The following ZNF91 variants were observed in gnomAD, a reference collection of about 807,000 sequenced individuals.
ZNF91 encodes the protein zinc finger protein 91 (HPF7, HTF10).
A neutral mutation model predicts 12.6 loss-of-function variants in ZNF91; 7 were observed. The observed-to-expected ratio is 0.55, with a 90% CI of 0.31 to 1.04. The LOEUF is 1.04. ZNF91 is among the 50% of genes least tolerant of loss of function. The pLI, the probability that ZNF91 is intolerant of heterozygous loss-of-function variation, is 0.05. For missense variants in ZNF91, 1,217 were observed against 1,385.4 expected, an observed-to-expected ratio of 0.88 and a Z score of 1.93; for synonymous variants, 453 against 462.6, an observed-to-expected ratio of 0.98 and a Z score of 0.27.
intron 3 of ZNF91, among the ~76,000 whole-genome samples, chr19:23,348,224 C>G (rs1968277246): frequency 6.6e-6 from 1 of 151,986 alleles, no homozygotes. Flanking sequence ...AGATTCTGTG[C>G]AACACCAAAG....
chr19:23,391,580 T>C (rs931797679), intron 1 of ZNF91, among the ~76,000 whole-genome samples: 9 of 152,202 alleles, frequency 5.9e-5, no homozygotes, highest in African/African-American at 2.2e-4. Flanking sequence ...TCCTTTGAAA[T>C]TCAAGTTTTT....
intron 1 of ZNF91, among the ~76,000 whole-genome samples, chr19:23,318,023 T>A (rs549061985): frequency 6.6e-6 from 1 of 152,308 alleles, no homozygotes; most frequent in East Asian, 1.9e-4. Context: ...AATTTTGACA[T>A]CTTGCTAAAC....
At chr19:23,388,550 A>G (rs1969952843) in intron 1 of ZNF91, among the ~76,000 whole-genome samples, 1 of 152,208 alleles carries the variant, frequency 6.6e-6, no homozygotes, top group Admixed American at 6.5e-5. Context: ...TTATAGCAAC[A>G]TGAAGCTGGA....
chr19:23,359,647 C>T lies in ZNF91; in HGVS notation c.3332G>A (p.Cys1111Tyr), dbSNP rs1411229482. The change falls in exon 4 of 4, where the codon TGT (cysteine) becomes TAT (tyrosine). Residue 1111 changes from cysteine to tyrosine, a missense_variant. Physicochemically the swap from Cys to Tyr is radical, Grantham distance 194 (BLOSUM62 -2). Coordinates refer to ENST00000300619, the MANE Select transcript of ZNF91 (RefSeq NM_003430.4). ...TGEKPYKCGE[C>Y]GKAFKESSAL... ...TGAGGACTCTTTAAAGGCTTTGCCA[C>T]ATTCTCCACATTTGTAGGGTTTCTC... The T allele has an allele frequency of 6.2e-7, 1 of 1,614,066 alleles. No individual in the cohort carries two copies. Among genetic ancestry groups the T allele is most frequent in the South Asian group, 1.1e-5 (1 of 91,074 alleles).
intron 1 of ZNF91, among the ~76,000 whole-genome samples, chr19:23,330,336 A>G (rs75723116): frequency 1.7e-5 from 2 of 116,482 alleles, no homozygotes; most frequent in Non-Finnish European, 3.4e-5. Context: ...GTCTCAAAAG[A>G]AAAAAAAAAA....
At chr19:23,312,101 C>A (rs530811210), upstream of ZNF91, among the ~76,000 whole-genome samples, 1 of 152,174 alleles carries the variant, frequency 6.6e-6, no homozygotes, top group East Asian at 1.9e-4. Context: ...GGTACTGTGA[C>A]TCTCTTGCTG....
At chr19:23,315,337 T>A (rs1967538139), upstream of ZNF91, among the ~76,000 whole-genome samples, 1 of 152,192 alleles carries the variant, frequency 6.6e-6, no homozygotes, top group African/African-American at 2.4e-5. Context: ...ACCAATTATT[T>A]GATGTGACTC....
chr19:23,310,757 C>T (rs1024441299), upstream of ZNF91: 10 of 152,106 alleles, frequency 6.6e-5, no homozygotes, highest in Non-Finnish European at 1.5e-5. Flanking sequence ...TTGTGACATA[C>T]TGGTAGGCCT....
chr19:23,383,039 A>T (rs1410247909), intron 1 of ZNF91, among the ~76,000 whole-genome samples: 3 of 152,204 alleles, frequency 2.0e-5, no homozygotes, highest in Non-Finnish European at 2.9e-5. Context: ...GGCAGAGATA[A>T]AACAAACCAA....
intron 1 of ZNF91, among the ~76,000 whole-genome samples, chr19:23,381,179 A>G (rs552030028): frequency 6.6e-6 from 1 of 152,312 alleles, no homozygotes; most frequent in African/African-American, 2.4e-5. Flanking sequence ...CTCATAATGT[A>G]TGTAGGATTT....
intron 3 of ZNF91, among the ~76,000 whole-genome samples, chr19:23,373,383 T>TATAA (rs370890023): frequency 1.4e-5 from 1 of 69,782 alleles, no homozygotes; most frequent in Admixed American, 1.2e-4. Flanking sequence ...TATATATATA[T>TATAA]ATAAATAAAC....
Position 23,395,367 on chromosome 19 carries a change from T to C in ZNF91, c.-13A>G, listed in dbSNP as rs757305935. On this transcript the variant is annotated 5_prime_UTR_variant, in exon 1 of 4. Coordinates refer to ENST00000300619, the MANE Select transcript of ZNF91 (RefSeq NM_003430.4). ...GGGTTCCTGGCATCTTAGCTGTGGC[T>C]CTCCAATACCTGCAGGTCACAGGGC... is the stretch of plus-strand genomic sequence containing the variant. The C allele has an allele frequency of 1.2e-6, 2 of 1,613,672 alleles. No individual in the cohort carries two copies. The highest frequency in any genetic ancestry group is 1.7e-6 in the Non-Finnish European group (2 of 1,179,832).
At chr19:23,340,535 T>TA (rs1034669667) in intron 3 of ZNF91, among the ~76,000 whole-genome samples, 29 of 149,828 alleles carry the variant, frequency 1.9e-4, no homozygotes, top group Non-Finnish European at 3.3e-4. Context: ...GAGTCAGCAA[T>TA]AAAAAAAAAT....
At chr19:23,348,469 T>C (rs978913916) in intron 3 of ZNF91, among the ~76,000 whole-genome samples, 14 of 152,230 alleles carry the variant, frequency 9.2e-5, no homozygotes, top group Admixed American at 4.6e-4. Context: ...ACTTCCCCAA[T>C]CAATACTCTT....
intron 3 of ZNF91, among the ~76,000 whole-genome samples, chr19:23,363,352 T>G (rs1295789434): frequency 6.6e-6 from 1 of 152,200 alleles, no homozygotes; most frequent in Non-Finnish European, 1.5e-5. Flanking sequence ...AATGAAAGTT[T>G]GAGTCTGCTG....
At chr19:23,316,546 G>A (rs1967564577) in intron 1 of ZNF91, among the ~76,000 whole-genome samples, 1 of 152,036 alleles carries the variant, frequency 6.6e-6, no homozygotes, top group Non-Finnish European at 1.5e-5. Context: ...CTGGTCCCTT[G>A]TGTCAGGGAA....
intron 3 of ZNF91, among the ~76,000 whole-genome samples, chr19:23,348,423 T>C (rs1218071338): frequency 2.6e-5 from 4 of 152,238 alleles, no homozygotes; most frequent in Non-Finnish European, 4.4e-5. Context: ...CTGCAATCTC[T>C]GAACATAAAT....
chr19:23,383,311 C>T (rs574180098), intron 1 of ZNF91, among the ~76,000 whole-genome samples: 1 of 152,182 alleles, frequency 6.6e-6, no homozygotes, highest in East Asian at 1.9e-4. Context: ...GTTAAAAATC[C>T]TCAACAACCT....
At chr19:23,323,554 CCT>C (rs1159267806) in intron 1 of ZNF91, among the ~76,000 whole-genome samples, 3 of 150,654 alleles carry the variant, frequency 2.0e-5, no homozygotes, top group African/African-American at 4.9e-5. Context: ...CTCTCCTCTT[CCT>C]TTTTCCTTTT....
Sources: allele counts gnomAD v4.1 joint callset (sites outside exome capture counted in the v4.1 genomes callset), GRCh38; gene constraint gnomAD v4.1.1; transcripts MANE v1.5; gene names NCBI Gene and HGNC (gene_info 2026-07-23, HGNC 2026-07-21).